Variants in CACNA2D1 observed in about 807,000 individuals in gnomAD.
CACNA2D1 encodes voltage-dependent calcium channel subunit alpha-2/delta-1.
In CACNA2D1, 53 loss-of-function variants were observed where a neutral mutation model predicts 171.5. The ratio of observed to expected loss-of-function variants is 0.31; its 90% confidence interval spans 0.25 to 0.39. The LOEUF (loss-of-function observed/expected upper bound fraction) is 0.39. CACNA2D1 is among the 10% of genes least tolerant of loss of function. CACNA2D1 has a pLI of 1.00. For missense variants in CACNA2D1, 903 were observed against 1,299.8 expected, an observed-to-expected ratio of 0.69 and a Z score of 4.69; for synonymous variants, 442 against 443.1, an observed-to-expected ratio of 1.00 and a Z score of 0.03.
rs117561997 is a variant in CACNA2D1, at chr7:82,280,097, G to A, written c.294+55038C>T. 5.4e-3 allele frequency among the ~76,000 whole-genome samples: 828 copies of A among 152,150 alleles called. 18 individuals carry two copies. The East Asian group carries it at 0.089, about 16-fold the overall frequency. The stretch of plus-strand genomic sequence containing the variant: ...TTGATTTATTTAAAGTAAATCTTGT[G>A]AATCAAAAAGAAGGACTAAAAATAT... On this transcript the variant is annotated intron_variant, in intron 3 of 38. Coordinates refer to ENST00000356860, the MANE Select transcript of CACNA2D1 (RefSeq NM_000722.4).
At chr7:82,391,307 TTA>T (rs1279122904) in intron 1 of CACNA2D1, among the ~76,000 whole-genome samples, 1 of 152,174 alleles carries the variant, frequency 6.6e-6, no homozygotes, top group African/African-American at 2.4e-5. Context: ...TTTGCATGCT[TTA>T]TGTGTCAAAG....
intron 3 of CACNA2D1, among the ~76,000 whole-genome samples, chr7:82,314,441 C>T (rs919949610): frequency 6.6e-6 from 1 of 151,970 alleles, no homozygotes; most frequent in Non-Finnish European, 1.5e-5. Context: ...AAACTTCTGG[C>T]AAAAACAGTA....
At chr7:82,429,851 A>G (rs1003658728) in intron 1 of CACNA2D1, among the ~76,000 whole-genome samples, 1 of 152,202 alleles carries the variant, frequency 6.6e-6, no homozygotes, top group African/African-American at 2.4e-5. Flanking sequence ...TTCTACACTT[A>G]TATCGACAGG....
intron 3 of CACNA2D1, among the ~76,000 whole-genome samples, chr7:82,266,351 C>A (rs371192724): frequency 2.6e-5 from 4 of 152,220 alleles, no homozygotes; most frequent in African/African-American, 7.2e-5. Context: ...GAATATGCTT[C>A]TCTAAGTACT....
chr7:81,990,078 G>C (rs547511947), intron 21 of CACNA2D1, among the ~76,000 whole-genome samples: 2 of 152,246 alleles, frequency 1.3e-5, no homozygotes, highest in South Asian at 4.1e-4. Context: ...ACTAAGGTAG[G>C]GGGGTGACAA....
intron 2 of CACNA2D1, among the ~76,000 whole-genome samples, chr7:82,342,453 A>G (rs572705986): frequency 6.6e-6 from 1 of 152,216 alleles, no homozygotes; most frequent in Non-Finnish European, 1.5e-5. Context: ...ATAATGATTT[A>G]TAACAACTTC....
At chr7:81,988,283 G>A (rs1797178201) in intron 21 of CACNA2D1, among the ~76,000 whole-genome samples, 1 of 152,092 alleles carries the variant, frequency 6.6e-6, no homozygotes, top group African/African-American at 2.4e-5. Context: ...AAATTGAAAG[G>A]TGGCAATAAG....
intron 1 of CACNA2D1, among the ~76,000 whole-genome samples, chr7:82,357,666 T>G (rs1223041665): frequency 8.0e-6 from 1 of 124,696 alleles, no homozygotes; most frequent in Non-Finnish European, 1.6e-5. Context: ...AAAGAGGGAA[T>G]GGGAACTATA....
At chr7:82,280,831 G>A (rs1231502050) in intron 3 of CACNA2D1, among the ~76,000 whole-genome samples, 3 of 152,022 alleles carry the variant, frequency 2.0e-5, no homozygotes, top group Admixed American at 2.0e-4. Context: ...ACAGACACGT[G>A]CACCAGTGCC....
chr7:82,064,176 A>C, intron 9 of CACNA2D1, 128 bp downstream of exon 9: 1 of 593,078 alleles, frequency 1.7e-6, no homozygotes. Context: ...CCTGAATATA[A>C]AAGTCATCAT....
chr7:82,240,897 G>C (rs113882561), intron 3 of CACNA2D1, among the ~76,000 whole-genome samples: 1 of 151,948 alleles, frequency 6.6e-6, no homozygotes, highest in East Asian at 1.9e-4. Flanking sequence ...AACCCGAGAG[G>C]TGGAGGTTGC....
At chr7:82,137,732 T>TAAAAAAAAAA (rs1791825767) in intron 4 of CACNA2D1, among the ~76,000 whole-genome samples, 1 of 65,532 alleles carries the variant, frequency 1.5e-5, no homozygotes, top group African/African-American at 7.5e-5. Flanking sequence ...AAAAAAAAAT[T>TAAAAAAAAAA]AGCCGGGCGT....
intron 1 of CACNA2D1, among the ~76,000 whole-genome samples, chr7:82,385,853 C>T (rs756272140): frequency 1.3e-5 from 2 of 151,990 alleles, no homozygotes; most frequent in South Asian, 2.1e-4. Context: ...TTAGTAGAGA[C>T]GGGGTTTCAC....
chr7:82,060,146 A>C (rs1806456077), intron 10 of CACNA2D1, among the ~76,000 whole-genome samples: 1 of 65,680 alleles, frequency 1.5e-5, no homozygotes, highest in Non-Finnish European at 2.9e-5. Context: ...TAAATTATAT[A>C]TATGTATTAT....
At chr7:82,136,540 T>C (rs1791631121) in intron 5 of CACNA2D1, 95 bp downstream of exon 5, 1 of 975,084 alleles carries the variant, frequency 1.0e-6, no homozygotes, top group Non-Finnish European at 1.5e-6. Context: ...AACATTGTCT[T>C]AAAAACTAAA....
chr7:82,200,779 A>C (rs995874904), intron 3 of CACNA2D1, among the ~76,000 whole-genome samples: 1 of 152,332 alleles, frequency 6.6e-6, no homozygotes, highest in East Asian at 1.9e-4. Context: ...ATTCCAGGAG[A>C]AATGATATGT....
chr7:82,064,416 G>C (rs543022621), intron 8 of CACNA2D1, 62 bp from the exon 9 acceptor site: 1 of 1,245,304 alleles, frequency 8.0e-7, no homozygotes, highest in East Asian at 2.3e-5. Context: ...GATATTTGTT[G>C]AATTGATATT....
intron 6 of CACNA2D1, among the ~76,000 whole-genome samples, chr7:82,097,146 A>G (rs559260198): frequency 6.6e-6 from 1 of 152,298 alleles, no homozygotes; most frequent in East Asian, 1.9e-4. Context: ...GCACACAGGC[A>G]GAAATAGACA....
intron 3 of CACNA2D1, among the ~76,000 whole-genome samples, chr7:82,261,225 G>A (rs975351623): frequency 6.6e-6 from 1 of 152,208 alleles, no homozygotes; most frequent in Non-Finnish European, 1.5e-5. Context: ...ACAGTGCTGG[G>A]ATTATAGGCA....
Sources: allele counts gnomAD v4.1 joint callset (sites outside exome capture counted in the v4.1 genomes callset), GRCh38; gene constraint gnomAD v4.1.1; transcripts MANE v1.5; gene names NCBI Gene and HGNC (gene_info 2026-07-23, HGNC 2026-07-21).